OAS3: variants seen among roughly 807,000 people sequenced by gnomAD.
OAS3 encodes 2'-5'-oligoadenylate synthase 3.
A neutral mutation model predicts 113.0 loss-of-function variants in OAS3; 107 were observed. The observed-to-expected ratio is 0.95, with a 90% confidence interval of 0.81 to 1.11. The LOEUF is 1.11. Ranked by LOEUF, OAS3 falls within the 50% of genes most tolerant of loss-of-function variation. The probability of loss-of-function intolerance (pLI) is 0.00; values close to 1 mark genes in which losing one functional copy is unlikely to be tolerated. For synonymous variants in OAS3, 552 were observed against 573.6 expected (o/e 0.96, Z 0.54); for missense variants, 1,258 against 1,389.1 (o/e 0.91, Z 1.50).
Position 112,938,659 on chromosome 12 carries a change from C to T in OAS3, c.129C>T (p.Arg43=). Residue 43 remains arginine (R), a synonymous_variant, in exon 1 of 16, where the codon CGC becomes CGT. Coordinates refer to ENST00000228928, the MANE Select transcript of OAS3 (RefSeq NM_006187.4). The stretch of plus-strand genomic sequence containing the variant: ...CCCTGGCCGCTGCCCTGAGGGAGCG[C>T]GGGGGCCGCCTCGGTGCTGCTGCCC... ...LGALAAALRE[R]GGRLGAAAPR... is the part of the protein sequence containing the mutation. 6.3e-7 allele frequency: 1 copy of T among 1,593,304 alleles called. No individual in the cohort carries two copies. The highest frequency in any genetic ancestry group is 8.5e-7 in the Non-Finnish European group (1 of 1,171,538).
At chr12:112,943,714 A>G (rs1303725732) in intron 2 of OAS3, among the ~76,000 whole-genome samples, 1 of 152,162 alleles carries the variant, frequency 6.6e-6, no homozygotes, top group African/African-American at 2.4e-5. Flanking sequence ...GCAGTAAAAA[A>G]AATATATATT....
Position 112,963,005 on chromosome 12 carries a change from G to T in OAS3, c.2084+103G>T, listed in dbSNP as rs1400108404. 6.1e-6 allele frequency: 9 copies of T among 1,484,618 alleles called. No homozygotes were observed. Among genetic ancestry groups the T allele is most frequent in the Non-Finnish European group, 8.3e-6 (9 of 1,089,116 alleles). 92.0% of individuals were successfully genotyped at this position (1,484,618 alleles called of 1,614,324 possible). A position where few individuals can be genotyped will look rare whatever the true frequency, so the allele number is the denominator to read the frequency against. On this transcript the variant is annotated intron_variant, in intron 9 of 15. Transcript: ENST00000228928. The surrounding 1 kb of genome is among the most constrained non-coding windows in gnomAD (Gnocchi z 4.6). ...GGAGTCCAAGGTAGGGTTTGGGGTG[G>T]CAATCCCACTCCTCACTCTGCTTCC... is the stretch of plus-strand genomic sequence containing the variant.
chr12:112,962,042 C>T (rs1472375443), intron 8 of OAS3, among the ~76,000 whole-genome samples: 1 of 152,172 alleles, frequency 6.6e-6, no homozygotes, highest in African/African-American at 2.4e-5. Context: ...AGTAATCCAC[C>T]CACCTTGGCC....
intron 7 of OAS3, among the ~76,000 whole-genome samples, chr12:112,957,932 T>C (rs1350698145): frequency 6.6e-6 from 1 of 152,256 alleles, no homozygotes; most frequent in Non-Finnish European, 1.5e-5. Flanking sequence ...GCAGAGTGTT[T>C]TCCAACTTGG....
intron 7 of OAS3, among the ~76,000 whole-genome samples, chr12:112,957,270 A>C (rs1422363171): frequency 6.6e-6 from 1 of 152,126 alleles, no homozygotes; most frequent in Admixed American, 6.5e-5. Flanking sequence ...CAGCACACTG[A>C]TGGGTCTTGA....
Position 112,939,792 on chromosome 12 carries a change from G to A in OAS3, c.177+1085G>A, listed in dbSNP as rs191607638. ...CCTCAGGGTAGATTTGGGGGTGCCAGGAGTGGATTGATGGAGGGAACCTGG... is the reference window on the plus strand; with the variant it reads ...CCTCAGGGTAGATTTGGGGGTGCCAAGAGTGGATTGATGGAGGGAACCTGG... On this transcript the variant is annotated intron_variant, in intron 1 of 15. Transcript: ENST00000228928. Among the ~76,000 whole-genome samples the A allele has an allele frequency of 5.3e-5, 8 of 152,330 alleles. No homozygotes were observed. In the East Asian group the frequency reaches 1.4e-3, roughly 26 times the overall value.
rs1227173439 is a variant in OAS3, at chr12:112,961,087, C to T, written c.1674C>T (p.Gly558=). The change falls in exon 8 of 16, where the codon GGC becomes GGT. Residue 558 remains glycine, a synonymous_variant. Transcript: ENST00000228928. ...CTTCTACAGGGCAGCTCAGTTCTGG[C>T]ACCAAACCAAATCCCCAGGTCTACT... is the stretch of plus-strand genomic sequence containing the variant. ...AFDAVGQLSS[G]TKPNPQVYSR... is the part of the protein sequence containing the mutation. 6.2e-7 allele frequency: 1 copy of T among 1,613,540 alleles called. No homozygotes were observed. The highest frequency in any genetic ancestry group is 1.6e-4 in the Middle Eastern group (1 of 6,062).
chr12:112,972,926 AAG>A lies in OAS3; in HGVS notation c.*2954_*2955del, dbSNP rs2043998596. The A allele has an allele frequency of 6.9e-6, 1 of 145,354 alleles. No individual in the cohort carries two copies. The highest frequency in any genetic ancestry group is 1.5e-5 in the Non-Finnish European group (1 of 65,628). The allele number at this position is 145,354 out of a possible 1,614,324, so 9.0% of individuals were successfully genotyped here. On this transcript the variant is annotated 3_prime_UTR_variant, in exon 16 of 16. Coordinates refer to ENST00000228928, the MANE Select transcript of OAS3 (RefSeq NM_006187.4). ...TGTGTGTGTGTGTTTAATTTTTAAA[AAG>A]TTTTTATTGAGATACAAGTCAATAC...
In OAS3 at chr12:112,954,559, G is replaced by C. The variant is rs997067372; in HGVS notation, c.1657+3584G>C. On this transcript the variant is annotated intron_variant, in intron 7 of 15. Coordinates refer to ENST00000228928, the MANE Select transcript of OAS3 (RefSeq NM_006187.4). This position sits in a 1 kb window ranked among gnomAD's most constrained non-coding sequence, Gnocchi z 4.0. ...GATCCACCCACCTCGGCCTCCCAAA[G>C]TGCTGGGATTACAGGCGTGAGCCAC... Among the ~76,000 whole-genome samples, 2 of 152,158 alleles carry C rather than the reference G, an allele frequency of 1.3e-5. No homozygotes were observed. Among genetic ancestry groups the C allele is most frequent in the Non-Finnish European group, 2.9e-5 (2 of 68,028 alleles).
At chr12:112,966,100 T>C in intron 12 of OAS3, 71 bp downstream of exon 12, 1 of 1,510,278 alleles carries the variant, frequency 6.6e-7, no homozygotes, top group Non-Finnish European at 9.1e-7. Flanking sequence ...GTTGTAGAGG[T>C]TGCACAGTAC....
At chr12:112,940,158 T>C (rs1206376681) in intron 1 of OAS3, among the ~76,000 whole-genome samples, 1 of 152,186 alleles carries the variant, frequency 6.6e-6, no homozygotes, top group Admixed American at 6.5e-5. Flanking sequence ...GGTACCTTCC[T>C]TCTGGGGCTG....
At chr12:112,961,004 G>A in intron 7 of OAS3, 67 bp from the exon 8 acceptor site, 1 of 1,472,386 alleles carries the variant, frequency 6.8e-7, no homozygotes, top group Non-Finnish European at 9.4e-7. Flanking sequence ...CTGGTGAATG[G>A]ATGGGTTGGT....
At chr12:112,958,419 C>T (rs1318358031) in intron 7 of OAS3, among the ~76,000 whole-genome samples, 1 of 152,264 alleles carries the variant, frequency 6.6e-6, no homozygotes, top group Non-Finnish European at 1.5e-5. Context: ...AGAAGAGGCG[C>T]TCTGATTTTT....
chr12:112,949,553 A>G (rs2043769477), intron 6 of OAS3, among the ~76,000 whole-genome samples: 2 of 152,092 alleles, frequency 1.3e-5, no homozygotes, highest in Admixed American at 6.5e-5. Flanking sequence ...TGAGCTTACC[A>G]GGTCCACAGA....
chr12:112,968,114 A>C lies in OAS3; in HGVS notation c.3044A>C (p.Asn1015Thr). 1.2e-6 allele frequency: 2 copies of C among 1,613,932 alleles called. No homozygotes were observed. Among genetic ancestry groups the C allele is most frequent in the Non-Finnish European group, 1.7e-6 (2 of 1,179,868 alleles). Residue 1015 changes from asparagine (N) to threonine (T), a missense_variant, in exon 14 of 16, where the codon AAC (asparagine) becomes ACC (threonine). Asn to Thr is a moderately conservative substitution (Grantham distance 65, BLOSUM62 0). Transcript: ENST00000228928. ...CAGCTCTGTATCTACTGGACCATCA[A>C]CTACAACGCCAAGGACAAGACTGTT... is the stretch of plus-strand genomic sequence containing the variant. The part of the protein sequence containing the change: ...YRQLCIYWTI[N>T]YNAKDKTVGD...
At position 112,966,006 on chromosome 12, in the gene OAS3, T is replaced by A; in HGVS notation, c.2666T>A (p.Val889Glu). The A allele has an allele frequency of 1.9e-6, 3 of 1,614,054 alleles. No homozygotes were observed. The highest frequency in any genetic ancestry group is 2.5e-6 in the Non-Finnish European group (3 of 1,179,884). The change falls in exon 12 of 16, where the codon GTG (valine) becomes GAG (glutamate). Residue 889 changes from valine to glutamate, a missense_variant. Coordinates refer to ENST00000228928, the MANE Select transcript of OAS3 (RefSeq NM_006187.4). ...TMLDQSVDFD[V>E]LPAFDALGQL... The stretch of plus-strand genomic sequence containing the variant: ...CTGGACCAGAGTGTGGACTTTGATG[T>A]GCTGCCAGCCTTTGACGCCCTAGGT...
chr12:112,961,294 C>T, intron 8 of OAS3, 48 bp downstream of exon 8: 1 of 1,559,008 alleles, frequency 6.4e-7, no homozygotes, highest in South Asian at 1.2e-5. Flanking sequence ...GTCATGGCAA[C>T]CACCCCAGCC....
chr12:112,969,783 T>C lies in OAS3; in HGVS notation c.3252+28T>C, dbSNP rs201553594. The C allele has an allele frequency of 3.1e-6, 5 of 1,609,866 alleles. No individual in the cohort carries two copies. In the East Asian group the frequency reaches 1.1e-4, roughly 36 times the overall value. On this transcript the variant is annotated intron_variant, in intron 15 of 15. Coordinates refer to ENST00000228928, the MANE Select transcript of OAS3 (RefSeq NM_006187.4). Reference sequence around the variant, plus strand: ...GAGAGATCTGTGGTGCCAAAGGAAGTACCCTTTAGGGGTAAGGGGGGAGCA... The same window carrying C: ...GAGAGATCTGTGGTGCCAAAGGAAGCACCCTTTAGGGGTAAGGGGGGAGCA...
At chr12:112,958,463 C>T (rs1005168222) in intron 7 of OAS3, among the ~76,000 whole-genome samples, 8 of 152,236 alleles carry the variant, frequency 5.3e-5, no homozygotes, top group African/African-American at 1.9e-4. Context: ...GGTTGCCCCC[C>T]ATCTTTGTGG....
Sources: allele counts gnomAD v4.1 joint callset (sites outside exome capture counted in the v4.1 genomes callset), GRCh38; gene constraint gnomAD v4.1.1; non-coding constraint Gnocchi (gnomAD v3.1); transcripts MANE v1.5; gene names NCBI Gene and HGNC (gene_info 2026-07-23, HGNC 2026-07-21).